IMMP2L: variants seen among roughly 807,000 people sequenced by gnomAD.
The protein encoded by IMMP2L is inner mitochondrial membrane peptidase subunit 2, also known as mitochondrial inner membrane protease subunit 2.
A neutral mutation model predicts 19.3 loss-of-function variants in IMMP2L; 18 were observed. That is an observed-to-expected ratio of 0.93 (90% CI 0.64 to 1.38). IMMP2L has a LOEUF of 1.38. IMMP2L is among the 40% of genes most tolerant of loss of function. IMMP2L has a pLI of 0.00. For missense variants in IMMP2L, 233 were observed against 218.2 expected, an observed-to-expected ratio of 1.07 and a Z score of -0.43; for synonymous variants, 76 against 73.0, an observed-to-expected ratio of 1.04 and a Z score of -0.21.
intron 3 of IMMP2L, among the ~76,000 whole-genome samples, chr7:110,987,138 C>T (rs1034347876): frequency 5.3e-5 from 8 of 152,052 alleles, no homozygotes; most frequent in African/African-American, 1.9e-4. Context: ...AGTATATGGA[C>T]AGGTACTAAC....
intron 3 of IMMP2L, among the ~76,000 whole-genome samples, chr7:111,443,862 G>T (rs1171420248): frequency 6.6e-6 from 1 of 151,912 alleles, no homozygotes; most frequent in Non-Finnish European, 1.5e-5. Context: ...GAAGGAATTT[G>T]ATTTTTTATC....
intron 3 of IMMP2L, among the ~76,000 whole-genome samples, chr7:110,998,902 C>T (rs1458575338): frequency 1.3e-5 from 2 of 152,142 alleles, no homozygotes; most frequent in African/African-American, 4.8e-5. Flanking sequence ...TTACAGCAAT[C>T]TTCATTCCAC....
intron 3 of IMMP2L, among the ~76,000 whole-genome samples, chr7:111,062,457 T>G (rs1232406321): frequency 1.3e-5 from 2 of 152,142 alleles, no homozygotes; most frequent in Non-Finnish European, 2.9e-5. Flanking sequence ...CCAACTGTAT[T>G]GTTCTGCCCC....
chr7:110,865,366 C>T (rs894192367), intron 5 of IMMP2L, among the ~76,000 whole-genome samples: 21 of 152,046 alleles, frequency 1.4e-4, no homozygotes, highest in African/African-American at 4.3e-4. Flanking sequence ...TGCCTTTCAG[C>T]TTTTCCCATC....
At chr7:111,532,367 G>A (rs189827561) in intron 1 of IMMP2L, among the ~76,000 whole-genome samples, 31 of 152,192 alleles carry the variant, frequency 2.0e-4, no homozygotes, top group African/African-American at 6.0e-4. Flanking sequence ...AACAATAAGC[G>A]GAATTGAAAA....
chr7:111,202,296 T>C (rs1029986586), intron 3 of IMMP2L, among the ~76,000 whole-genome samples: 1 of 152,208 alleles, frequency 6.6e-6, no homozygotes, highest in South Asian at 2.1e-4. Context: ...AAAAGGAAGC[T>C]GTTAACTGGA....
chr7:110,858,990 G>A (rs1012580628), intron 5 of IMMP2L, among the ~76,000 whole-genome samples: 3 of 152,080 alleles, frequency 2.0e-5, no homozygotes, highest in Non-Finnish European at 4.4e-5. Context: ...TTCTGATCAT[G>A]TCTTTCTGAA....
At chr7:110,908,630 C>G (rs1812726203) in intron 4 of IMMP2L, among the ~76,000 whole-genome samples, 1 of 152,164 alleles carries the variant, frequency 6.6e-6, no homozygotes, top group Admixed American at 6.5e-5. Context: ...AGACAAACAT[C>G]AATTTTTGAC....
At chr7:111,053,228 T>C (rs1338080411) in intron 3 of IMMP2L, among the ~76,000 whole-genome samples, 2 of 152,230 alleles carry the variant, frequency 1.3e-5, no homozygotes, top group Non-Finnish European at 2.9e-5. Context: ...TTGGGGTTTA[T>C]ATGTTGGCAT....
intron 3 of IMMP2L, among the ~76,000 whole-genome samples, chr7:111,336,795 G>A (rs561760412): frequency 1.3e-5 from 2 of 148,384 alleles, no homozygotes; most frequent in African/African-American, 2.5e-5. Context: ...ATGAATTCAT[G>A]TTTACATTAT....
At chr7:110,669,424 A>G (rs906107660) in intron 5 of IMMP2L, among the ~76,000 whole-genome samples, 6 of 152,182 alleles carry the variant, frequency 3.9e-5, no homozygotes, top group African/African-American at 1.4e-4. Flanking sequence ...CTTTACTGAA[A>G]GTCGATCAAT....
intron 3 of IMMP2L, among the ~76,000 whole-genome samples, chr7:111,147,658 G>A (rs1011692722): frequency 1.3e-5 from 2 of 152,052 alleles, no homozygotes; most frequent in Non-Finnish European, 2.9e-5. Context: ...GGGCCTGAAA[G>A]CACATTAGTG....
chr7:110,717,229 C>T (rs1024909237), intron 5 of IMMP2L, among the ~76,000 whole-genome samples: 2 of 152,186 alleles, frequency 1.3e-5, no homozygotes, highest in Non-Finnish European at 2.9e-5. Context: ...GTAATCCCAG[C>T]ACTTTGGGAG....
intron 3 of IMMP2L, among the ~76,000 whole-genome samples, chr7:111,328,168 A>T (rs1333523276): frequency 6.6e-6 from 1 of 151,776 alleles, no homozygotes; most frequent in Non-Finnish European, 1.5e-5. Flanking sequence ...GCTCTCTCAG[A>T]GTATTCTCCT....
chr7:110,899,176 C>G (rs1811618317), intron 4 of IMMP2L, among the ~76,000 whole-genome samples: 1 of 151,880 alleles, frequency 6.6e-6, no homozygotes, highest in African/African-American at 2.4e-5. Context: ...GCTTTTTAAC[C>G]CTTCTTTTTA....
rs1228299876 is a variant in IMMP2L, at chr7:110,835,064, C to A, written c.408+51529G>T. On this transcript the variant is annotated intron_variant, in intron 5 of 5. Transcript: ENST00000405709. ...AAGATTCATCACCTGTGCCACCTAG[C>A]CTTAGAATCTCACCACCAGAGCACC... Among the ~76,000 whole-genome samples, 12 of 152,214 alleles carry A rather than the reference C, an allele frequency of 7.9e-5. No homozygotes were observed. In the East Asian group the frequency reaches 2.3e-3, roughly 29 times the overall value.
chr7:111,101,560 T>C (rs897285003), intron 3 of IMMP2L, among the ~76,000 whole-genome samples: 1 of 151,472 alleles, frequency 6.6e-6, no homozygotes, highest in African/African-American at 2.4e-5. Flanking sequence ...AAAAAATTAC[T>C]TGAGACAATC....
At chr7:111,516,070 G>A (rs540199141) in intron 2 of IMMP2L, among the ~76,000 whole-genome samples, 6 of 152,218 alleles carry the variant, frequency 3.9e-5, no homozygotes, top group East Asian at 3.9e-4. Context: ...CTGAGCTTAC[G>A]TAAAGTACCT....
intron 3 of IMMP2L, among the ~76,000 whole-genome samples, chr7:111,115,770 C>T (rs890045985): frequency 6.6e-6 from 1 of 152,100 alleles, no homozygotes; most frequent in African/African-American, 2.4e-5. Context: ...CAGGTTCCAG[C>T]GATTCTCGTG....
Sources: allele counts gnomAD v4.1 joint callset (sites outside exome capture counted in the v4.1 genomes callset), GRCh38; gene constraint gnomAD v4.1.1; transcripts MANE v1.5; gene names NCBI Gene and HGNC (gene_info 2026-07-23, HGNC 2026-07-21).